The following AK9 variants were observed in gnomAD, a reference collection of about 807,000 sequenced individuals.
AK9 encodes adenylate kinase domain containing 1.
A neutral mutation model predicts 239.6 loss-of-function variants in AK9; 191 were observed. The ratio of observed to expected loss-of-function variants is 0.80; its 90% CI spans 0.71 to 0.90. The LOEUF is 0.90. Ranked by LOEUF, AK9 falls within the 40% of genes least tolerant of loss-of-function variation. AK9 has a pLI of 0.00. For synonymous variants in AK9, 689 were observed against 721.0 expected (o/e 0.96, Z 0.71); for missense variants, 1,995 against 2,214.7 (o/e 0.90, Z 1.99).
chr6:109,592,806 T>C (rs994528208), intron 17 of AK9, among the ~76,000 whole-genome samples: 2 of 151,644 alleles, frequency 1.3e-5, no homozygotes, highest in African/African-American at 4.8e-5. Flanking sequence ...TTTTTTTCCC[T>C]TCACATTGAC....
At chr6:109,592,245 A>G (rs1039460460) in intron 17 of AK9, among the ~76,000 whole-genome samples, 19 of 152,346 alleles carry the variant, frequency 1.2e-4, no homozygotes, top group African/African-American at 4.6e-4. Flanking sequence ...GCTATACTAC[A>G]GCAAAACACA....
intron 20 of AK9, among the ~76,000 whole-genome samples, chr6:109,574,899 A>AT (rs1787866213): frequency 1.3e-5 from 2 of 152,050 alleles, no homozygotes; most frequent in Non-Finnish European, 2.9e-5. Flanking sequence ...CTATTATATC[A>AT]TTCTTATGCC....
At chr6:109,575,417 T>C (rs962056684) in intron 20 of AK9, among the ~76,000 whole-genome samples, 5 of 152,250 alleles carry the variant, frequency 3.3e-5, no homozygotes, top group Admixed American at 1.3e-4. Flanking sequence ...GATTTGCATT[T>C]CCCTGATAAT....
intron 25 of AK9, chr6:109,549,659 A>ATTTTATTTT (rs1562391021): frequency 9.1e-6 from 1 of 110,364 alleles, no homozygotes; most frequent in Non-Finnish European, 1.9e-5. Context: ...GAACTTAGAT[A>ATTTTATTTT]TTTTCTTTTT....
chr6:109,599,990 G>T (rs1024248696), intron 17 of AK9, among the ~76,000 whole-genome samples: 1 of 152,092 alleles, frequency 6.6e-6, no homozygotes, highest in Admixed American at 6.6e-5. Context: ...GAGACGATGG[G>T]GTTTTCTAGA....
chr6:109,588,353 G>A (rs1313670711), intron 17 of AK9, among the ~76,000 whole-genome samples: 1 of 152,188 alleles, frequency 6.6e-6, no homozygotes, highest in African/African-American at 2.4e-5. Context: ...ACAGGCGTGA[G>A]CCACCGCGCC....
At position 109,635,855 on chromosome 6, in the gene AK9, G is replaced by A. The variant is rs186276681; in HGVS notation, c.934-2532C>T. Among the ~76,000 whole-genome samples, 265 of 152,328 alleles carry A rather than the reference G, an allele frequency of 1.7e-3. 1 individual carries two copies. Among genetic ancestry groups the A allele is most frequent in the Middle Eastern group, 3.4e-3 (1 of 292 alleles). On this transcript the variant is annotated intron_variant, in intron 10 of 40. Transcript: ENST00000424296. ...TAAGAATTTCAGGACTGCAGCAGCA[G>A]AGTATTAAACTAAGCACATGGTCCT... is the stretch of plus-strand genomic sequence containing the variant.
chr6:109,577,890 C>T (rs1788304964), intron 20 of AK9, among the ~76,000 whole-genome samples: 1 of 104,070 alleles, frequency 9.6e-6, no homozygotes, highest in South Asian at 4.1e-4. Flanking sequence ...TTCTTTCCTT[C>T]TCTCTCTCTT....
intron 21 of AK9, among the ~76,000 whole-genome samples, chr6:109,572,243 A>AC (rs1028108395): frequency 2.6e-5 from 4 of 151,712 alleles, no homozygotes; most frequent in African/African-American, 9.7e-5. Context: ...GGCTCCCTCA[A>AC]CCCCCCTCTC....
Position 109,542,137 on chromosome 6 carries a change from ACTT to A in AK9, c.3257_3259del (p.Glu1086del), listed in dbSNP as rs773817372. ...ATTTTCCATTAGACTTGATTTGATT[ACTT>A]CTTCTTCTTCTGTAAGTTGTACTTC... On this transcript the variant is annotated inframe_deletion, in exon 27 of 41. Transcript: ENST00000424296. 2.5e-5 allele frequency: 40 copies of A among 1,603,160 alleles called. No homozygotes were observed. The highest frequency in any genetic ancestry group is 1.7e-4 in the Middle Eastern group (1 of 6,006).
intron 29 of AK9, among the ~76,000 whole-genome samples, chr6:109,524,732 G>T (rs1317265680): frequency 6.6e-6 from 1 of 152,086 alleles, no homozygotes; most frequent in African/African-American, 2.4e-5. Flanking sequence ...ATAAACATTA[G>T]AACTATTTCT....
intron 27 of AK9, among the ~76,000 whole-genome samples, chr6:109,541,764 A>G (rs553012384): frequency 6.6e-6 from 1 of 152,372 alleles, no homozygotes; most frequent in Non-Finnish European, 1.5e-5. Flanking sequence ...AGGTTTTTAC[A>G]GTTTTACCAC....
intron 35 of AK9, among the ~76,000 whole-genome samples, chr6:109,502,957 A>ATGTGTGTGTGTGTGTG (rs58542655): frequency 1.2e-4 from 18 of 145,498 alleles, no homozygotes; most frequent in African/African-American, 3.5e-4. Flanking sequence ...CAGGAACGGT[A>ATGTGTGTGTGTGTGTG]TGTGTGTGTG....
chr6:109,685,883 T>C (rs571252593), intron 1 of AK9, among the ~76,000 whole-genome samples: 9 of 152,294 alleles, frequency 5.9e-5, no homozygotes, highest in Middle Eastern at 3.4e-3. Flanking sequence ...ATTTCTCCAG[T>C]CTTGCTTTTG....
In AK9 at chr6:109,662,640, A is replaced by C; in HGVS notation, c.355T>G (p.Ser119Ala). The C allele has an allele frequency of 6.3e-7, 1 of 1,576,858 alleles. No individual in the cohort carries two copies. Reference sequence around the variant, plus strand: ...GTAGTCATGGCATCCTGTGAAAGTGATGGTATTTCAGTGATAATATAACCT... The same window carrying C: ...GTAGTCATGGCATCCTGTGAAAGTGCTGGTATTTCAGTGATAATATAACCT... ...HFGYIITEIPSLSQDAMTTLQ... is the reference protein window; with the variant it reads ...HFGYIITEIPALSQDAMTTLQ... The change falls in exon 6 of 41, where the codon TCA becomes GCA. Residue 119 changes from serine (S) to alanine (A), a missense_variant. Ser to Ala is a moderately conservative substitution (Grantham distance 99, BLOSUM62 1). Coordinates refer to ENST00000424296, the MANE Select transcript of AK9 (RefSeq NM_001145128.3).
At chr6:109,542,318 G>A (rs1202228016) in intron 26 of AK9, 147 bp from the exon 27 acceptor site, 1 of 707,264 alleles carries the variant, frequency 1.4e-6, no homozygotes, top group Non-Finnish European at 2.3e-6. Flanking sequence ...AAGGGTGTGT[G>A]GTAGGGATAG....
chr6:109,495,387 C>T lies in AK9; in HGVS notation c.5369G>A (p.Arg1790Lys). 1.2e-6 allele frequency: 2 copies of T among 1,613,792 alleles called. No individual in the cohort carries two copies. Among genetic ancestry groups the T allele is most frequent in the Non-Finnish European group, 1.7e-6 (2 of 1,179,908 alleles). Residue 1790 changes from arginine to lysine, a missense_variant, in exon 39 of 41, where the codon AGG becomes AAG. This residue lies in a region of AK9 where 391 missense variants were observed against 456.0 expected (regional missense o/e 0.86). Coordinates refer to ENST00000424296, the MANE Select transcript of AK9 (RefSeq NM_001145128.3). ...AAGACTAGTAAGAAGTATCGGTTCCCTTAATGGGGGAAGCTTGTGTGGAAG... is the reference window on the plus strand; with the variant it reads ...AAGACTAGTAAGAAGTATCGGTTCCTTTAATGGGGGAAGCTTGTGTGGAAG... The part of the protein sequence containing the change: ...QKLPHKLPPL[R>K]EPILLTSLPL...
intron 29 of AK9, among the ~76,000 whole-genome samples, chr6:109,519,459 T>C (rs1562344223): frequency 1.3e-5 from 2 of 152,110 alleles, no homozygotes; most frequent in African/African-American, 2.4e-5. Flanking sequence ...TCCCTTTTCT[T>C]TGCAGCTTCA....
chr6:109,572,336 A>T (rs1787530492), intron 21 of AK9, among the ~76,000 whole-genome samples: 1 of 152,204 alleles, frequency 6.6e-6, no homozygotes, highest in Non-Finnish European at 1.5e-5. Flanking sequence ...AAGTAGGGGT[A>T]GATGACGATA....
Sources: gnomAD v4.1 joint callset for allele counts (sites outside exome capture counted in the v4.1 genomes callset) on GRCh38, gnomAD v4.1.1 for gene constraint, gnomAD v4.1.1 regional missense constraint, MANE v1.5 for transcripts, NCBI Gene and HGNC (gene_info 2026-07-23, HGNC 2026-07-21) for gene names.